BABAM1: variants seen among roughly 807,000 people sequenced by gnomAD.
BABAM1 encodes BRISC and BRCA1 A complex member 1.
Under a neutral mutation model 34.4 loss-of-function variants are expected in BABAM1, and 14 were observed. The observed-to-expected ratio is 0.41, with a 90% CI of 0.27 to 0.64. The LOEUF (loss-of-function observed/expected upper bound fraction) is 0.64, where lower values mean the gene tolerates loss of function less well. BABAM1 is among the 30% of genes least tolerant of loss of function. The pLI is 0.34. For missense variants in BABAM1, 393 were observed against 434.0 expected, an observed-to-expected ratio of 0.91 and a Z score of 0.84; for synonymous variants, 169 against 165.8, an observed-to-expected ratio of 1.02 and a Z score of -0.15.
At chr19:17,271,120 C>T (rs986290411) in intron 2 of BABAM1, among the ~76,000 whole-genome samples, 21 of 151,896 alleles carry the variant, frequency 1.4e-4, no homozygotes, top group African/African-American at 4.8e-4. Context: ...TCCTGAGTAG[C>T]TGGGATTACA....
intron 5 of BABAM1, 135 bp downstream of exon 5, chr19:17,274,320 C>T (rs1341701079): frequency 1.8e-5 from 20 of 1,113,118 alleles, no homozygotes; most frequent in Non-Finnish European, 2.6e-5. Context: ...GGGAAAGTCA[C>T]CCCTCTGAGC....
intron 2 of BABAM1, among the ~76,000 whole-genome samples, chr19:17,270,878 G>C (rs762074803): frequency 2.5e-4 from 38 of 151,816 alleles, no homozygotes; most frequent in Non-Finnish European, 5.0e-4. Context: ...TTTTAGTAGA[G>C]ACCAGGTTTC....
chr19:17,268,950 C>A lies in BABAM1; in HGVS notation c.144C>A (p.Arg48=). The change falls in exon 2 of 9, where the codon CGC becomes CGA. Residue 48 remains arginine (R), a synonymous_variant. Transcript: ENST00000598188. ...AVGAQASVGS[R]SEGEGEAASA... is the part of the protein sequence containing the mutation. ...GGGCACAGGCCAGCGTGGGCAGCCG[C>A]AGCGAGGGTGAGGGTGAGGCCGCCA... The A allele has an allele frequency of 6.3e-7, 1 of 1,575,040 alleles. No homozygotes were observed. Among genetic ancestry groups the A allele is most frequent in the Admixed American group, 1.9e-5 (1 of 53,640 alleles).
rs891626677 is a variant in BABAM1, at chr19:17,276,530, T to G, written c.605T>G (p.Val202Gly). 8 of 1,593,850 alleles carry G rather than the reference T, an allele frequency of 5.0e-6. No individual in the cohort carries two copies. The African/African-American group carries it at 1.1e-4, about 21-fold the overall frequency. Residue 202 changes from valine (V) to glycine (G), a missense_variant, in exon 7 of 9, where the codon GTG (valine) becomes GGG (glycine). Physicochemically the swap from Val to Gly is moderately radical, Grantham distance 109. Coordinates refer to ENST00000598188, the MANE Select transcript of BABAM1 (RefSeq NM_014173.4). ...ACTGAGCTTCCGGTCACAGAGAACGTGCAGACGATTCCCCCGCCATATGTG... is the reference window on the plus strand; with the variant it reads ...ACTGAGCTTCCGGTCACAGAGAACGGGCAGACGATTCCCCCGCCATATGTG... ...QKTELPVTENVQTIPPPYVVR... is the reference protein window; with the variant it reads ...QKTELPVTENGQTIPPPYVVR...
At position 17,279,171 on chromosome 19, in the gene BABAM1, T is replaced by G; in HGVS notation, c.*123T>G. ...GTTCCAGGAGGCACGTAGGGTACCT[T>G]GCAGGGTCCTAGGAGGGAAACCCAG... On this transcript the variant is annotated 3_prime_UTR_variant, in exon 9 of 9. Transcript: ENST00000598188. The G allele has an allele frequency of 9.8e-7, 1 of 1,022,614 alleles. No individual in the cohort carries two copies. Among genetic ancestry groups the G allele is most frequent in the African/African-American group, 1.6e-5 (1 of 62,284 alleles). 63.3% of individuals were successfully genotyped at this position (1,022,614 alleles called of 1,614,324 possible).
rs955870596 is a variant in BABAM1, at chr19:17,270,524, C to CTT, written c.286-1054_286-1053dup. Among the ~76,000 whole-genome samples the CTT allele has an allele frequency of 7.8e-3, 981 of 125,866 alleles. 19 individuals are homozygous for CTT. Among genetic ancestry groups the CTT allele is most frequent in the Middle Eastern group, 0.013 (3 of 238 alleles). The allele number at this position is 125,866 out of a possible 152,430, so 82.6% of individuals were successfully genotyped here. On this transcript the variant is annotated intron_variant, in intron 2 of 8. Coordinates refer to ENST00000598188, the MANE Select transcript of BABAM1 (RefSeq NM_014173.4). ...CCCTGATTCCAAATAAGGTCACATTCTTTTTTTTTTTTTTTTTTTTGAGAC... is the reference window on the plus strand; with the variant it reads ...CCCTGATTCCAAATAAGGTCACATTCTTTTTTTTTTTTTTTTTTTTTTGAGAC...
Position 17,267,484 on chromosome 19 carries a change from C to A in BABAM1, c.-57C>A, listed in dbSNP as rs1017541457. On this transcript the variant is annotated 5_prime_UTR_variant, in exon 1 of 9. Transcript: ENST00000598188. ...TAAAGATGGCGGCTTCCTAGTGAGT[C>A]GGCGGCTGATTTAGAAGGAGGTTCA... 2.0e-5 allele frequency: 3 copies of A among 152,132 alleles called. No individual in the cohort carries two copies. Among genetic ancestry groups the A allele is most frequent in the Admixed American group, 6.6e-5 (1 of 15,256 alleles). The allele number at this position is 152,132 out of a possible 1,614,324, so 9.4% of individuals were successfully genotyped here.
At chr19:17,273,553 TTGTTTGTTTTG>T (rs780101790) in intron 3 of BABAM1, among the ~76,000 whole-genome samples, 4 of 80,372 alleles carry the variant, frequency 5.0e-5, no homozygotes, top group East Asian at 2.9e-4. Context: ...AAGTTTTTTT[TTGTTTGTTTTG>T]TTTTTTTTTT....
At chr19:17,274,873 C>G (rs1420459308) in intron 5 of BABAM1, among the ~76,000 whole-genome samples, 1 of 150,958 alleles carries the variant, frequency 6.6e-6, no homozygotes, top group Non-Finnish European at 1.5e-5. Flanking sequence ...TGGCTCTTTT[C>G]ATTTTGAGGA....
chr19:17,268,721 GC>G (rs1308436490), intron 1 of BABAM1, 72 bp from the exon 2 acceptor site: 1 of 1,438,170 alleles, frequency 7.0e-7, no homozygotes, highest in Non-Finnish European at 9.2e-7. Context: ...GAGCCACCGT[GC>G]CCGACCGTAA....
intron 8 of BABAM1, among the ~76,000 whole-genome samples, chr19:17,278,235 C>T (rs1409443268): frequency 6.6e-6 from 1 of 151,940 alleles, no homozygotes; most frequent in African/African-American, 2.4e-5. Flanking sequence ...GAGAAGCCCT[C>T]CCTGTTTTTC....
Position 17,269,736 on chromosome 19 carries a change from T to G in BABAM1, c.285+645T>G, listed in dbSNP as rs188024150. Among the ~76,000 whole-genome samples the G allele has an allele frequency of 6.9e-4, 104 of 151,666 alleles. 1 individual carries two copies. The highest frequency in any genetic ancestry group is 1.7e-3 in the South Asian group (8 of 4,802). ...CTCTAGTCTTTGCCCAATTTTTTTT[T>G]TTTGTTTTTTTGAGATGGAGTCTTG... is the stretch of plus-strand genomic sequence containing the variant. On this transcript the variant is annotated intron_variant, in intron 2 of 8. Transcript: ENST00000598188.
intron 1 of BABAM1, among the ~76,000 whole-genome samples, chr19:17,267,861 GTTA>G (rs1174437905): frequency 6.6e-6 from 1 of 152,150 alleles, no homozygotes. Flanking sequence ...TGTCCTAGAG[GTTA>G]TTATTCCCTT....
chr19:17,271,297 G>T (rs73014410), intron 2 of BABAM1, among the ~76,000 whole-genome samples: 35,085 of 151,958 alleles, frequency 0.23, 4,242 homozygotes, highest in East Asian at 0.32. Flanking sequence ...GCCAAATAAG[G>T]TCACATTCTC....
intron 3 of BABAM1, among the ~76,000 whole-genome samples, chr19:17,272,571 AT>A (rs1312588721): frequency 6.6e-6 from 1 of 151,480 alleles, no homozygotes; most frequent in Non-Finnish European, 1.5e-5. Flanking sequence ...CGCCTGGCTA[AT>A]TTTTTTGTAT....
chr19:17,269,665 C>T (rs1417274269), intron 2 of BABAM1, among the ~76,000 whole-genome samples: 1 of 152,000 alleles, frequency 6.6e-6, no homozygotes, highest in African/African-American at 2.4e-5. Flanking sequence ...CTTGCCTTTT[C>T]TAGCCTCTCG....
At chr19:17,276,647 AG>A in intron 7 of BABAM1, 23 bp downstream of exon 7, 1 of 1,591,786 alleles carries the variant, frequency 6.3e-7, no homozygotes, top group Non-Finnish European at 8.6e-7. Flanking sequence ...TGGGAGAGGG[AG>A]GGGTGCCTGC....
chr19:17,275,959 C>T, intron 6 of BABAM1, 134 bp downstream of exon 6: 1 of 993,534 alleles, frequency 1.0e-6, no homozygotes, highest in Non-Finnish European at 1.5e-6. Flanking sequence ...CCGAGCAATT[C>T]CTCATTTATG....
chr19:17,267,742 A>G (rs1599486362), intron 1 of BABAM1, among the ~76,000 whole-genome samples: 1 of 152,226 alleles, frequency 6.6e-6, no homozygotes, highest in East Asian at 1.9e-4. Flanking sequence ...GCCCGTGCCT[A>G]TTTCCCAGAT....
Sources: allele counts gnomAD v4.1 joint callset (sites outside exome capture counted in the v4.1 genomes callset), GRCh38; gene constraint gnomAD v4.1.1; transcripts MANE v1.5; gene names NCBI Gene and HGNC (gene_info 2026-07-23, HGNC 2026-07-21).